SLCO1B3: variants seen among roughly 807,000 people sequenced by gnomAD.
SLCO1B3 encodes liver-specific organic anion transporter 2.
A neutral mutation model predicts 71.8 loss-of-function variants in SLCO1B3; 72 were observed. The ratio of observed to expected loss-of-function variants is 1.00; its 90% confidence interval spans 0.83 to 1.22. The LOEUF (loss-of-function observed/expected upper bound fraction) is 1.22. SLCO1B3 is among the 50% of genes most tolerant of loss of function. The pLI, the probability that SLCO1B3 is intolerant of heterozygous loss-of-function variation, is 0.00. For missense variants in SLCO1B3, 911 were observed against 819.7 expected (o/e 1.11, Z -1.36); for synonymous variants, 298 against 278.4 (o/e 1.07, Z -0.70).
At chr12:20,912,100 T>C (rs1866390190) in intron 15 of SLCO1B3, among the ~76,000 whole-genome samples, 1 of 152,080 alleles carries the variant, frequency 6.6e-6, no homozygotes, top group Non-Finnish European at 1.5e-5. Context: ...TTATTTTCAC[T>C]TATTTCAAAA....
At chr12:20,820,534 G>A (rs1217259491) in intron 3 of SLCO1B3, among the ~76,000 whole-genome samples, 2 of 152,156 alleles carry the variant, frequency 1.3e-5, no homozygotes, top group African/African-American at 2.4e-5. Flanking sequence ...GGAAGTTCTT[G>A]TGTGCTGGAG....
intron 3 of SLCO1B3, among the ~76,000 whole-genome samples, chr12:20,824,049 G>C (rs191128064): frequency 4.0e-4 from 61 of 152,256 alleles, no homozygotes; most frequent in African/African-American, 1.1e-3. Flanking sequence ...CATAAATTGA[G>C]AATACTCTCA....
At chr12:20,880,270 GA>G (rs1432811634) in intron 11 of SLCO1B3, among the ~76,000 whole-genome samples, 1 of 148,148 alleles carries the variant, frequency 6.8e-6, no homozygotes, top group Non-Finnish European at 1.5e-5. Context: ...AATATGCAGA[GA>G]TTTTTTATCC....
At position 20,898,488 on chromosome 12, in the gene SLCO1B3, A is replaced by G. The variant is rs1476458106; in HGVS notation, c.1735A>G (p.Ile579Val). The change falls in exon 14 of 16, where the codon ATA (isoleucine) becomes GTA (valine). Residue 579 changes from isoleucine to valine, a missense_variant. By Grantham distance (29) the Ile-to-Val change is conservative. Coordinates refer to ENST00000381545, the MANE Select transcript of SLCO1B3 (RefSeq NM_019844.4). ...TGCAATGGGTTTCCAGTCAATGGTTATAAGAACACTAGGTATGACAAATAT... is the reference window on the plus strand; with the variant it reads ...TGCAATGGGTTTCCAGTCAATGGTTGTAAGAACACTAGGTATGACAAATAT... ...ALAMGFQSMV[I>V]RTLGGILAPI... 3 of 1,558,570 alleles carry G rather than the reference A, an allele frequency of 1.9e-6. No individual in the cohort carries two copies. The highest frequency in any genetic ancestry group is 4.5e-5 in the East Asian group (2 of 44,186).
intron 3 of SLCO1B3, among the ~76,000 whole-genome samples, chr12:20,830,318 A>G (rs1864512561): frequency 6.6e-6 from 1 of 152,194 alleles, no homozygotes; most frequent in Non-Finnish European, 1.5e-5. Flanking sequence ...TTAAGGATGC[A>G]TGGGGGAGAC....
At chr12:20,883,727 A>G (rs541530515) in intron 13 of SLCO1B3, 125 bp downstream of exon 13, 2 of 610,110 alleles carry the variant, frequency 3.3e-6, no homozygotes, top group East Asian at 3.2e-5. Flanking sequence ...TTGAGAATGC[A>G]TTTTCTTAGA....
Position 20,916,022 on chromosome 12 carries a change from A to T in SLCO1B3, c.1884A>T (p.Leu628Phe). ...TTCACAGAAGGGTCTACTTGGGCTT[A>T]TCTATAGCTTTAAGATTCCCAGCAC... is the stretch of plus-strand genomic sequence containing the variant. ...SVFFGRVYLG[L>F]SIALRFPALV... The change falls in exon 16 of 16, where the codon TTA becomes TTT. Residue 628 changes from leucine (L) to phenylalanine (F), a missense_variant. Leu to Phe is a conservative substitution (Grantham distance 22). Coordinates refer to ENST00000381545, the MANE Select transcript of SLCO1B3 (RefSeq NM_019844.4). 3 of 1,607,680 alleles carry T rather than the reference A, an allele frequency of 1.9e-6. No individual in the cohort carries two copies. Among genetic ancestry groups the T allele is most frequent in the Non-Finnish European group, 2.6e-6 (3 of 1,174,946 alleles).
rs144522584 is a variant in SLCO1B3 at position 20,914,888 on chromosome 12, A to C, written c.1866-1116A>C. Among the ~76,000 whole-genome samples, 441 of 152,058 alleles carry C rather than the reference A, an allele frequency of 2.9e-3. 1 individual carries two copies. Among genetic ancestry groups the C allele is most frequent in the African/African-American group, 0.01 (421 of 41,500 alleles). On this transcript the variant is annotated intron_variant, in intron 15 of 15. Transcript: ENST00000381545. Reference sequence around the variant, plus strand: ...AGAGAAGGCTGATGTAATCTTTTCTACTCTATAAATAAGGTTTGCTTTTCC... The same window carrying C: ...AGAGAAGGCTGATGTAATCTTTTCTCCTCTATAAATAAGGTTTGCTTTTCC...
Position 20,861,097 on chromosome 12 carries a change from C to T in SLCO1B3, c.440C>T (p.Thr147Ile). Residue 147 changes from threonine to isoleucine, a missense_variant, in exon 6 of 16, where the codon ACC becomes ATC. By Grantham distance (89) the Thr-to-Ile change is moderately conservative. Coordinates refer to ENST00000381545, the MANE Select transcript of SLCO1B3 (RefSeq NM_019844.4). ...SSLSTCLINQ[T>I]LSFNGTSPEI... is the part of the protein sequence containing the mutation. ...TTATCAACCTGTTTAATTAATCAAA[C>T]CTTATCATTCAATGGAACATCACCT... The T allele has an allele frequency of 6.2e-7, 1 of 1,601,060 alleles. No homozygotes were observed. The highest frequency in any genetic ancestry group is 8.5e-7 in the Non-Finnish European group (1 of 1,173,416).
At chr12:20,907,137 T>C (rs867822695) in intron 15 of SLCO1B3, among the ~76,000 whole-genome samples, 21 of 152,186 alleles carry the variant, frequency 1.4e-4, no homozygotes, top group Middle Eastern at 3.2e-3. Flanking sequence ...GTGCGGAATA[T>C]GCTATTATTT....
At chr12:20,881,641 C>A (rs2121309476) in intron 12 of SLCO1B3, among the ~76,000 whole-genome samples, 1 of 152,112 alleles carries the variant, frequency 6.6e-6, no homozygotes, top group East Asian at 1.9e-4. Context: ...CCAACATATC[C>A]ATTGGAAATT....
At chr12:20,869,177 G>T (rs1591771212) in intron 8 of SLCO1B3, among the ~76,000 whole-genome samples, 1 of 152,146 alleles carries the variant, frequency 6.6e-6, no homozygotes, top group South Asian at 2.1e-4. Flanking sequence ...TAAGTAGCGG[G>T]TGTTGTTCCT....
intron 6 of SLCO1B3, 95 bp from the exon 7 acceptor site, chr12:20,862,316 AC>A: frequency 7.3e-7 from 1 of 1,368,878 alleles, no homozygotes; most frequent in Non-Finnish European, 1.0e-6. Context: ...AAACAAACAA[AC>A]AAAAAATGGA....
chr12:20,891,618 C>T (rs904726292), intron 13 of SLCO1B3, among the ~76,000 whole-genome samples: 3 of 152,046 alleles, frequency 2.0e-5, no homozygotes, highest in South Asian at 4.1e-4. Context: ...ACAAGTTTCC[C>T]ACACTTTTAA....
At chr12:20,839,496 G>A (rs1178761440) in intron 3 of SLCO1B3, among the ~76,000 whole-genome samples, 2 of 152,084 alleles carry the variant, frequency 1.3e-5, no homozygotes, top group Admixed American at 6.6e-5. Flanking sequence ...GTGCTGGCAT[G>A]GTTTCTGAGA....
chr12:20,828,483 T>G lies in SLCO1B3; in HGVS notation c.84+12661T>G, dbSNP rs189891804. Among the ~76,000 whole-genome samples the G allele has an allele frequency of 6.6e-5, 10 of 152,096 alleles. No homozygotes were observed. In the East Asian group the frequency reaches 1.9e-3, roughly 30 times the overall value. The stretch of plus-strand genomic sequence containing the variant: ...GCTGTTAGAAATGATTTTAGGTCCC[T>G]CACACAGTGGAGGGTGGCAAGAAGA... On this transcript the variant is annotated intron_variant, in intron 3 of 15. Transcript: ENST00000381545.
intron 3 of SLCO1B3, among the ~76,000 whole-genome samples, chr12:20,826,549 G>T (rs576522877): frequency 1.3e-5 from 2 of 149,520 alleles, no homozygotes; most frequent in South Asian, 2.1e-4. Flanking sequence ...TAGCAAACTT[G>T]ATCACTTTTT....
At chr12:20,815,614 C>T in intron 2 of SLCO1B3, 60 bp from the exon 3 acceptor site, 2 of 631,000 alleles carry the variant, frequency 3.2e-6, no homozygotes, top group Non-Finnish European at 5.5e-6. Flanking sequence ...TGTGGCTTTT[C>T]CTATTTTTAA....
chr12:20,909,296 G>T (rs1474937777), intron 15 of SLCO1B3, among the ~76,000 whole-genome samples: 1 of 148,600 alleles, frequency 6.7e-6, no homozygotes, highest in East Asian at 2.0e-4. Context: ...CTCCCGAGTA[G>T]CTGGGACTAC....
Sources: allele counts gnomAD v4.1 joint callset (sites outside exome capture counted in the v4.1 genomes callset), GRCh38; gene constraint gnomAD v4.1.1; transcripts MANE v1.5; gene names NCBI Gene and HGNC (gene_info 2026-07-23, HGNC 2026-07-21).